Variants in CAPN2 observed in about 807,000 individuals in gnomAD.
CAPN2 encodes calpain-2 catalytic subunit.
A neutral mutation model predicts 102.3 loss-of-function variants in CAPN2; 92 were observed. The ratio of observed to expected loss-of-function variants is 0.90; its 90% CI spans 0.76 to 1.07. The LOEUF (loss-of-function observed/expected upper bound fraction) is 1.07, where lower values mean the gene tolerates loss of function less well. Ranked by LOEUF, CAPN2 falls within the 50% of genes least tolerant of loss-of-function variation. The pLI, the probability that CAPN2 is intolerant of heterozygous loss-of-function variation, is 0.00. For missense variants in CAPN2, 800 were observed against 909.4 expected (o/e 0.88, Z 1.55); for synonymous variants, 340 against 355.4 (o/e 0.96, Z 0.49).
chr1:223,738,669 C>T (rs142826041), intron 2 of CAPN2, among the ~76,000 whole-genome samples: 8 of 152,354 alleles, frequency 5.3e-5, no homozygotes, highest in Admixed American at 3.9e-4. Context: ...CTGACAGGAG[C>T]AGCCTCCCAG....
intron 1 of CAPN2, among the ~76,000 whole-genome samples, chr1:223,715,014 TA>T (rs1659838904): frequency 6.6e-6 from 1 of 152,186 alleles, no homozygotes; most frequent in Admixed American, 6.5e-5. Flanking sequence ...TTGGGAAGGT[TA>T]AATACTTGCT....
chr1:223,753,124 G>C (rs1660947237), intron 9 of CAPN2, among the ~76,000 whole-genome samples, 168 bp downstream of exon 9: 1 of 148,478 alleles, frequency 6.7e-6, no homozygotes, highest in East Asian at 2.0e-4. Flanking sequence ...TCTTTTCCCT[G>C]AGCCTTTTCT....
In CAPN2 at chr1:223,712,742, G is replaced by A; in HGVS notation, c.102G>A (p.Ala34=). The A allele has an allele frequency of 2.5e-6, 4 of 1,586,724 alleles. No individual in the cohort carries two copies. Among genetic ancestry groups the A allele is most frequent in the Non-Finnish European group, 3.4e-6 (4 of 1,168,488 alleles). The change falls in exon 1 of 21, where the codon GCG becomes GCA. Residue 34 remains alanine (A), a synonymous_variant. Transcript: ENST00000295006. ...AGTACCTCAACCAGGACTACGAGGC[G>A]CTGCGGAACGAGTGCCTGGAGGCCG... ...AIKYLNQDYE[A]LRNECLEAGT...
In CAPN2 at chr1:223,752,931, C is replaced by G. The variant is rs377763395; in HGVS notation, c.1110C>G (p.Thr370=). The G allele has an allele frequency of 1.2e-6, 2 of 1,614,122 alleles. No homozygotes were observed. The highest frequency in any genetic ancestry group is 1.1e-5 in the South Asian group (1 of 91,080). ...KMDGNWRRGS[T]AGGCRNYPNT... is the part of the protein sequence containing the mutation. ...ATGGGAACTGGAGGCGGGGCTCCAC[C>G]GCGGGAGGTTGCAGGAACTACCCGA... The change falls in exon 9 of 21, where the codon ACC becomes ACG. Residue 370 remains threonine, a synonymous_variant. Coordinates refer to ENST00000295006, the MANE Select transcript of CAPN2 (RefSeq NM_001748.5).
upstream of CAPN2, chr1:223,712,514 C>T: frequency 8.2e-7 from 1 of 1,214,008 alleles, no homozygotes; most frequent in Non-Finnish European, 1.0e-6. Flanking sequence ...TCCGGTGAAT[C>T]ATCGCTCGCA....
chr1:223,745,371 G>A lies in CAPN2; in HGVS notation c.492G>A (p.Glu164=), dbSNP rs1267695279. The change falls in exon 4 of 21, where the codon GAG becomes GAA. Residue 164 remains glutamate (E), a synonymous_variant. Transcript: ENST00000295006. ...ACAGGCTGCCCACCAAGGACGGGGA[G>A]CTGCTCTTTGTGCATTCAGCCGAAG... ...VDDRLPTKDG[E]LLFVHSAEGS... 4 of 1,614,108 alleles carry A rather than the reference G, an allele frequency of 2.5e-6. No individual in the cohort carries two copies. Among genetic ancestry groups the A allele is most frequent in the Non-Finnish European group, 3.4e-6 (4 of 1,180,046 alleles).
At chr1:223,751,080 T>C (rs1266124032) in intron 7 of CAPN2, 105 bp downstream of exon 7, 6 of 1,049,586 alleles carry the variant, frequency 5.7e-6, no homozygotes, top group Non-Finnish European at 8.6e-6. Context: ...CTGAGAAATA[T>C]AGCCAGGAGA....
intron 15 of CAPN2, among the ~76,000 whole-genome samples, 181 bp from the exon 16 acceptor site, chr1:223,766,186 T>C (rs555964702): frequency 5.1e-4 from 78 of 152,322 alleles, no homozygotes; most frequent in African/African-American, 1.8e-3. Context: ...ATCAGGACAA[T>C]GTGGACATCA....
chr1:223,754,608 C>T lies in CAPN2; in HGVS notation c.1136-872C>T, dbSNP rs1019455909. ...TGTAATTTCACAGTTAGGGTTTTAT[C>T]CCATTAGGTATGGAAAGGCAATTAG... On this transcript the variant is annotated intron_variant, in intron 9 of 20. Transcript: ENST00000295006. This position sits in a 1 kb window ranked among gnomAD's most constrained non-coding sequence, Gnocchi z 4.7. Among the ~76,000 whole-genome samples, 2 of 152,202 alleles carry T rather than the reference C, an allele frequency of 1.3e-5. No individual in the cohort carries two copies. Among genetic ancestry groups the T allele is most frequent in the Admixed American group, 6.5e-5 (1 of 15,290 alleles).
intron 1 of CAPN2, among the ~76,000 whole-genome samples, chr1:223,702,125 G>GGAAGGAAA (rs1659496671): frequency 7.1e-6 from 1 of 141,200 alleles, no homozygotes; most frequent in Admixed American, 7.1e-5. Flanking sequence ...AAGGAAGGAA[G>GGAAGGAAA]GAAGGAAGGA....
intron 2 of CAPN2, among the ~76,000 whole-genome samples, chr1:223,728,184 T>C (rs1660246646): frequency 6.6e-6 from 1 of 152,094 alleles, no homozygotes; most frequent in Non-Finnish European, 1.5e-5. Flanking sequence ...CATTTTGTTC[T>C]CTCTCATGGT....
At position 223,759,868 on chromosome 1, in the gene CAPN2, G is replaced by C. The variant is rs1309956901; in HGVS notation, c.1529+387G>C. Among the ~76,000 whole-genome samples, 2 of 152,170 alleles carry C rather than the reference G, an allele frequency of 1.3e-5. No homozygotes were observed. The highest frequency in any genetic ancestry group is 4.8e-5 in the African/African-American group (2 of 41,446). ...ATTTTCCAGGCCACCTGGCCTAGCAGAGCCACCAAGGGTGTAAGGTGGGAA... is the reference window on the plus strand; with the variant it reads ...ATTTTCCAGGCCACCTGGCCTAGCACAGCCACCAAGGGTGTAAGGTGGGAA... On this transcript the variant is annotated intron_variant, in intron 12 of 20. Transcript: ENST00000295006. The surrounding 1 kb of genome is among the most constrained non-coding windows in gnomAD (Gnocchi z 4.6).
intron 1 of CAPN2, among the ~76,000 whole-genome samples, chr1:223,707,495 A>G (rs1386838715): frequency 6.6e-6 from 1 of 152,240 alleles, no homozygotes; most frequent in Non-Finnish European, 1.5e-5. Context: ...TGGGTCAGTG[A>G]GATAGCATAG....
intron 2 of CAPN2, among the ~76,000 whole-genome samples, chr1:223,739,777 A>C (rs1299745522): frequency 6.6e-6 from 1 of 152,246 alleles, no homozygotes; most frequent in Non-Finnish European, 1.5e-5. Flanking sequence ...ATATGGCAAC[A>C]TTCCAGGAGA....
chr1:223,767,068 T>G (rs971036985), intron 16 of CAPN2, among the ~76,000 whole-genome samples: 3 of 152,204 alleles, frequency 2.0e-5, no homozygotes, highest in Non-Finnish European at 2.9e-5. Context: ...CAGCTCGAAT[T>G]TGTTTCCTCA....
rs992108096 is a variant in CAPN2, at chr1:223,733,924, A to G, written c.308-10176A>G. On this transcript the variant is annotated intron_variant, in intron 2 of 20. Transcript: ENST00000295006. The stretch of plus-strand genomic sequence containing the variant: ...GCACAAACGTGGTAAACGTTCCCTG[A>G]GAGAACTGACAGCCCAGGGGTGCAG... Among the ~76,000 whole-genome samples the G allele has an allele frequency of 5.3e-5, 8 of 152,366 alleles. No individual in the cohort carries two copies. The East Asian group carries it at 1.5e-3, about 29-fold the overall frequency.
chr1:223,703,212 G>A (rs556646862), intron 1 of CAPN2, among the ~76,000 whole-genome samples: 2 of 152,174 alleles, frequency 1.3e-5, no homozygotes, highest in African/African-American at 2.4e-5. Context: ...TGAGTATCTT[G>A]GTGTCTCAGT....
intron 5 of CAPN2, among the ~76,000 whole-genome samples, chr1:223,747,929 A>G (rs1204541128): frequency 6.6e-6 from 1 of 152,178 alleles, no homozygotes; most frequent in Non-Finnish European, 1.5e-5. Context: ...GCAAAAGTCA[A>G]GCTGTCTGGG....
At chr1:223,770,217 T>G (rs1286922223) in intron 17 of CAPN2, 1 of 589,582 alleles carries the variant, frequency 1.7e-6, no homozygotes, top group East Asian at 2.8e-5. Context: ...GACAAGAACA[T>G]GGACCTATGG....
Sources: gnomAD v4.1 joint callset for allele counts (sites outside exome capture counted in the v4.1 genomes callset) on GRCh38, gnomAD v4.1.1 for gene constraint, Gnocchi (gnomAD v3.1) non-coding constraint, MANE v1.5 for transcripts, NCBI Gene and HGNC (gene_info 2026-07-23, HGNC 2026-07-21) for gene names.